CPS1: variants seen among roughly 807,000 people sequenced by gnomAD.
CPS1 encodes the protein carbamoyl-phosphate synthase [ammonia], mitochondrial.
A neutral mutation model predicts 174.6 loss-of-function variants in CPS1; 109 were observed. The observed-to-expected ratio is 0.62, with a 90% CI of 0.53 to 0.73. The LOEUF (loss-of-function observed/expected upper bound fraction) is 0.73. Among genes scored for constraint, CPS1 ranks in the 30% least tolerant of loss-of-function variants. CPS1 has a pLI of 0.00. For synonymous variants in CPS1, 637 were observed against 632.0 expected, an observed-to-expected ratio of 1.01 and a Z score of -0.12; for missense variants, 1,689 against 1,821.9, an observed-to-expected ratio of 0.93 and a Z score of 1.33.
At chr2:210,672,020 G>T in intron 34 of CPS1, 1 of 152,138 alleles carries the variant, frequency 6.6e-6, no homozygotes, top group South Asian at 2.1e-4. Context: ...CCTTTCTCAA[G>T]CTTAAGTATG....
intron 27 of CPS1, among the ~76,000 whole-genome samples, chr2:210,648,958 A>G (rs932735271): frequency 1.3e-5 from 2 of 152,188 alleles, no homozygotes; most frequent in Non-Finnish European, 2.9e-5. Flanking sequence ...AGTTTTTGAG[A>G]TCCGATTGTT....
intron 32 of CPS1, among the ~76,000 whole-genome samples, chr2:210,662,664 C>G (rs1211714532): frequency 6.6e-6 from 1 of 152,226 alleles, no homozygotes; most frequent in Non-Finnish European, 1.5e-5. Flanking sequence ...GCCTCAGAAA[C>G]TGGCTTACAG....
At chr2:210,508,330 T>G (rs560429649) in intron 1 of CPS1, among the ~76,000 whole-genome samples, 10 of 151,622 alleles carry the variant, frequency 6.6e-5, no homozygotes, top group East Asian at 3.9e-4. Context: ...TTGAAACCAA[T>G]GAGAACAAAG....
intron 1 of CPS1, among the ~76,000 whole-genome samples, chr2:210,487,704 C>T (rs940063866): frequency 7.2e-6 from 1 of 138,476 alleles, no homozygotes; most frequent in Non-Finnish European, 1.6e-5. Flanking sequence ...TTTTTTAAAG[C>T]GAAATCTGAT....
At chr2:210,630,379 T>G (rs900957542) in intron 21 of CPS1, among the ~76,000 whole-genome samples, 1 of 152,304 alleles carries the variant, frequency 6.6e-6, no homozygotes, top group South Asian at 2.1e-4. Context: ...TCTCATAAGG[T>G]TTCCTTTTTA....
intron 27 of CPS1, among the ~76,000 whole-genome samples, chr2:210,649,887 T>A (rs1700507939): frequency 6.6e-6 from 1 of 152,180 alleles, no homozygotes; most frequent in Non-Finnish European, 1.5e-5. Flanking sequence ...ACTTTAAAAA[T>A]TGATTCATTT....
At position 210,641,390 on chromosome 2, in the gene CPS1, T is replaced by A. The variant is rs185498113; in HGVS notation, c.2960-1094T>A. The stretch of plus-strand genomic sequence containing the variant: ...ATCCTCCTGCCTCAGCCTCCCAAAG[T>A]GCTGGTATTACAGGCAGGAGCCACT... On this transcript the variant is annotated intron_variant, in intron 24 of 37. Coordinates refer to ENST00000233072, the MANE Select transcript of CPS1 (RefSeq NM_001875.5). Among the ~76,000 whole-genome samples the A allele has an allele frequency of 2.7e-3, 414 of 152,254 alleles. 5 individuals carry two copies. The highest frequency in any genetic ancestry group is 6.0e-3 in the South Asian group (29 of 4,820).
chr2:210,629,743 C>T (rs1167192092), intron 21 of CPS1, among the ~76,000 whole-genome samples: 2 of 151,398 alleles, frequency 1.3e-5, no homozygotes, highest in African/African-American at 4.9e-5. Context: ...GAGAGAGAGT[C>T]ATTGCATCTT....
At chr2:210,540,118 A>G (rs1677118859) in intron 1 of CPS1, among the ~76,000 whole-genome samples, 1 of 152,198 alleles carries the variant, frequency 6.6e-6, no homozygotes, top group South Asian at 2.1e-4. Flanking sequence ...AGTTTGAGTT[A>G]TGATAAGTTA....
intron 1 of CPS1, among the ~76,000 whole-genome samples, chr2:210,515,020 T>C (rs1177817268): frequency 6.6e-6 from 1 of 151,736 alleles, no homozygotes; most frequent in East Asian, 1.9e-4. Flanking sequence ...GTATGTTGCA[T>C]GAACTTTACA....
At chr2:210,597,999 G>A (rs1698551022) in intron 13 of CPS1, among the ~76,000 whole-genome samples, 1 of 151,846 alleles carries the variant, frequency 6.6e-6, no homozygotes, top group Non-Finnish European at 1.5e-5. Context: ...AAGGCTCTCA[G>A]TGCTTCCAGC....
In CPS1 at chr2:210,658,629, G is replaced by A; in HGVS notation, c.3697G>A (p.Ala1233Thr). The change falls in exon 31 of 38, where the codon GCT becomes ACT. Residue 1233 changes from alanine to threonine, a missense_variant. Physicochemically the swap from Ala to Thr is moderately conservative, Grantham distance 58 (BLOSUM62 0). Transcript: ENST00000233072. ...VKDATRKIAK[A>T]FAISGPFNVQ... ...GGATGCTACCCGGAAGATTGCAAAG[G>A]CTTTTGCCATCTCTGGTCCATTCAA... 1 of 1,614,016 alleles carries A rather than the reference G, an allele frequency of 6.2e-7. No individual in the cohort carries two copies. The highest frequency in any genetic ancestry group is 8.5e-7 in the Non-Finnish European group (1 of 1,179,942).
At position 210,677,063 on chromosome 2, in the gene CPS1, A is replaced by C. The variant is rs769778595; in HGVS notation, c.4331A>C (p.Lys1444Thr). ...LVINLPNNNT[K>T]FVHDNYVIRR... ...ATTAACCTTCCCAACAACAACACTA[A>C]ATTTGTCCATGATAATTATGTGATT... Residue 1444 changes from lysine (K) to threonine (T), a missense_variant, in exon 37 of 38, where the codon AAA becomes ACA. Transcript: ENST00000233072. 7.4e-6 allele frequency: 12 copies of C among 1,613,722 alleles called. No individual in the cohort carries two copies. Among genetic ancestry groups the C allele is most frequent in the South Asian group, 5.5e-5 (5 of 91,058 alleles).
chr2:210,550,806 C>A (rs914190618), intron 1 of CPS1, among the ~76,000 whole-genome samples: 1 of 151,704 alleles, frequency 6.6e-6, no homozygotes, highest in Non-Finnish European at 1.5e-5. Context: ...ATTTATTACA[C>A]AAGAATAATA....
chr2:210,661,619 G>T (rs1372696285), intron 32 of CPS1, among the ~76,000 whole-genome samples: 1 of 152,078 alleles, frequency 6.6e-6, no homozygotes, highest in Non-Finnish European at 1.5e-5. Flanking sequence ...ATTTTATAGT[G>T]CATTGAGATG....
chr2:210,543,796 G>A (rs1033839248), intron 1 of CPS1, among the ~76,000 whole-genome samples: 26 of 152,040 alleles, frequency 1.7e-4, no homozygotes, highest in African/African-American at 6.0e-4. Flanking sequence ...TATCTGGTAT[G>A]TAATAAAAGA....
At position 210,590,865 on chromosome 2, in the gene CPS1, G is replaced by C. The variant is rs770315452; in HGVS notation, c.906G>C (p.Leu302Phe). 15 of 1,611,240 alleles carry C rather than the reference G, an allele frequency of 9.3e-6. No homozygotes were observed. The South Asian group carries it at 1.5e-4, about 17-fold the overall frequency. Residue 302 changes from leucine (L) to phenylalanine (F), a missense_variant, in exon 9 of 38, where the codon TTG becomes TTC. Physicochemically the swap from Leu to Phe is conservative, Grantham distance 22. Transcript: ENST00000233072. Reference sequence around the variant, plus strand: ...GTACAGGAAACTTAATAACAGGATTGGCTGCTGGTGCCAAAACCTACAAGA... The same window carrying C: ...GTACAGGAAACTTAATAACAGGATTCGCTGCTGGTGCCAAAACCTACAAGA... ...GISTGNLITGLAAGAKTYKMS... is the reference protein window; with the variant it reads ...GISTGNLITGFAAGAKTYKMS...
At chr2:210,667,619 GT>G (rs1311138860) in intron 33 of CPS1, among the ~76,000 whole-genome samples, 1 of 152,088 alleles carries the variant, frequency 6.6e-6, no homozygotes, top group Non-Finnish European at 1.5e-5. Context: ...TGAAAATGAT[GT>G]TTTTAAAAAA....
At chr2:210,625,327 G>C (rs759719721) in intron 21 of CPS1, among the ~76,000 whole-genome samples, 1 of 151,988 alleles carries the variant, frequency 6.6e-6, no homozygotes, top group Non-Finnish European at 1.5e-5. Context: ...CCTATACAAA[G>C]AGCTATATAT....
Sources: allele counts gnomAD v4.1 joint callset (sites outside exome capture counted in the v4.1 genomes callset), GRCh38; gene constraint gnomAD v4.1.1; transcripts MANE v1.5; gene names NCBI Gene and HGNC (gene_info 2026-07-23, HGNC 2026-07-21).